The following ELOB variants were observed in gnomAD, a reference collection of about 807,000 sequenced individuals.
The protein encoded by ELOB is elongin-B.
A neutral mutation model predicts 12.9 loss-of-function variants in ELOB; 3 were observed. That is an observed-to-expected ratio of 0.23 (90% confidence interval 0.11 to 0.60). ELOB has a LOEUF of 0.60. ELOB is among the 20% of genes least tolerant of loss of function. The pLI is 0.89. For synonymous variants in ELOB, 84 were observed against 67.4 expected (o/e 1.25, Z -1.21); for missense variants, 126 against 159.2 (o/e 0.79, Z 1.12).
chr16:2,774,581 G>A (rs1230463134), intron 3 of ELOB, among the ~76,000 whole-genome samples: 1 of 152,232 alleles, frequency 6.6e-6, no homozygotes, highest in African/African-American at 2.4e-5. Flanking sequence ...TTCCTCTTCA[G>A]CCTTTGCTAT....
rs762477461 is a variant in ELOB at position 2,771,962 on chromosome 16, T to C, written c.*28A>G. 11 of 1,569,178 alleles carry C rather than the reference T, an allele frequency of 7.0e-6. No homozygotes were observed. Among genetic ancestry groups the C allele is most frequent in the Middle Eastern group, 2.1e-4 (1 of 4,656 alleles). Reference sequence around the variant, plus strand: ...CAGGCAGACTCCCAAATCTCTTTTATTGGGGGAAATGGGCCTCTTGGGGGT... The same window carrying C: ...CAGGCAGACTCCCAAATCTCTTTTACTGGGGGAAATGGGCCTCTTGGGGGT... On this transcript the variant is annotated 3_prime_UTR_variant, in exon 4 of 4. Transcript: ENST00000409906.
rs909812403 is a variant in ELOB, at chr16:2,771,855, G to T, written c.*135C>A. 6.8e-6 allele frequency: 10 copies of T among 1,461,228 alleles called. No homozygotes were observed. The Admixed American group carries it at 1.8e-4, about 26-fold the overall frequency. 90.5% of individuals were successfully genotyped at this position (1,461,228 alleles called of 1,614,324 possible). On this transcript the variant is annotated 3_prime_UTR_variant, in exon 4 of 4. Transcript: ENST00000409906. ...GGATCTGGGAGACAGGACAGCACAG[G>T]AACTGCCAAGCACAAGCCCCAAAAG...
chr16:2,777,217 C>T lies in ELOB; in HGVS notation c.3+20G>A. On this transcript the variant is annotated intron_variant, in intron 1 of 3. Coordinates refer to ENST00000409906, the MANE Select transcript of ELOB (RefSeq NM_007108.4). ...CCGCCCCCGGCCCGGCCCGGCCGCC[C>T]CTCCCCCACGCCCGCTCACCATCGC... 1 of 1,000,814 alleles carries T rather than the reference C, an allele frequency of 1.0e-6. No individual in the cohort carries two copies. Among genetic ancestry groups the T allele is most frequent in the Non-Finnish European group, 1.2e-6 (1 of 841,826 alleles). 62.0% of individuals were successfully genotyped at this position (1,000,814 alleles called of 1,614,324 possible).
chr16:2,777,255 T>G lies in ELOB; in HGVS notation c.-16A>C. ...CGCTCACCATCGCGGCTGCTGCCTC[T>G]CCCCTCGACGCGCCGGCGCAGCCGC... On this transcript the variant is annotated 5_prime_UTR_variant, in exon 1 of 4. Transcript: ENST00000409906. 9.8e-7 allele frequency: 1 copy of G among 1,021,688 alleles called. No individual in the cohort carries two copies. The highest frequency in any genetic ancestry group is 1.2e-6 in the Non-Finnish European group (1 of 854,578). The allele number at this position is 1,021,688 out of a possible 1,614,324, so 63.3% of individuals were successfully genotyped here.
At chr16:2,772,152 AGCTGGG>A in intron 3 of ELOB, 50 bp from the exon 4 acceptor site, 5 of 1,521,120 alleles carry the variant, frequency 3.3e-6, no homozygotes, top group Non-Finnish European at 4.4e-6. Flanking sequence ...CTCTTGCCCC[AGCTGGG>A]GCCTTGGTGT....
At chr16:2,773,323 A>C (rs2068779817) in intron 3 of ELOB, among the ~76,000 whole-genome samples, 1 of 152,148 alleles carries the variant, frequency 6.6e-6, no homozygotes, top group Non-Finnish European at 1.5e-5. Context: ...ATGGTGCACA[A>C]GGCAACCCAC....
Position 2,771,853 on chromosome 16 carries a change from A to G in ELOB, c.*137T>C. 6 of 1,460,878 alleles carry G rather than the reference A, an allele frequency of 4.1e-6. No homozygotes were observed. Among genetic ancestry groups the G allele is most frequent in the Non-Finnish European group, 4.5e-6 (5 of 1,107,696 alleles). The allele number at this position is 1,460,878 out of a possible 1,614,324, so 90.5% of individuals were successfully genotyped here. On this transcript the variant is annotated 3_prime_UTR_variant, in exon 4 of 4. Transcript: ENST00000409906. ...CAGGATCTGGGAGACAGGACAGCAC[A>G]GGAACTGCCAAGCACAAGCCCCAAA...
Position 2,771,753 on chromosome 16 carries a change from C to T in ELOB, c.*237G>A. On this transcript the variant is annotated 3_prime_UTR_variant, in exon 4 of 4. Coordinates refer to ENST00000409906, the MANE Select transcript of ELOB (RefSeq NM_007108.4). ...GTGGCTGGCTAGCTGCTAACAATGGCTTGGGTCTCAGGGCAACCCAGGTCC... is the reference window on the plus strand; with the variant it reads ...GTGGCTGGCTAGCTGCTAACAATGGTTTGGGTCTCAGGGCAACCCAGGTCC... 1 of 1,507,574 alleles carries T rather than the reference C, an allele frequency of 6.6e-7. No individual in the cohort carries two copies. Among genetic ancestry groups the T allele is most frequent in the African/African-American group, 1.4e-5 (1 of 72,236 alleles). The allele number at this position is 1,507,574 out of a possible 1,614,324, so 93.4% of individuals were successfully genotyped here.
At chr16:2,775,405 A>C in intron 3 of ELOB, 46 bp downstream of exon 3, 1 of 1,448,148 alleles carries the variant, frequency 6.9e-7, no homozygotes. Flanking sequence ...CAGTGTTCCC[A>C]ACCTGCTTGG....
chr16:2,774,424 C>T (rs1465827216), intron 3 of ELOB, among the ~76,000 whole-genome samples: 2 of 152,184 alleles, frequency 1.3e-5, no homozygotes, highest in Non-Finnish European at 2.9e-5. Flanking sequence ...TGCTGTGAAG[C>T]CAGTCTCATC....
chr16:2,772,160 C>A, intron 3 of ELOB, 58 bp from the exon 4 acceptor site: 5 of 1,504,568 alleles, frequency 3.3e-6, no homozygotes, highest in Non-Finnish European at 4.4e-6. Context: ...CCAGCTGGGG[C>A]CTTGGTGTTC....
chr16:2,776,737 T>C (rs1396893792), intron 2 of ELOB, among the ~76,000 whole-genome samples: 1 of 152,222 alleles, frequency 6.6e-6, no homozygotes, highest in Non-Finnish European at 1.5e-5. Context: ...GCGCGGGCGA[T>C]ACCGTTGCAG....
chr16:2,773,037 G>A (rs1015216181), intron 3 of ELOB, among the ~76,000 whole-genome samples: 1 of 152,228 alleles, frequency 6.6e-6, no homozygotes, highest in African/African-American at 2.4e-5. Flanking sequence ...CTTACCACTG[G>A]ACAAACTGCC....
intron 3 of ELOB, among the ~76,000 whole-genome samples, chr16:2,775,247 T>A (rs1204554434): frequency 6.6e-6 from 1 of 151,792 alleles, no homozygotes; most frequent in Non-Finnish European, 1.5e-5. Context: ...TTGGTTTCTG[T>A]AAGCATCTCA....
chr16:2,773,317 T>G (rs1596302545), intron 3 of ELOB, among the ~76,000 whole-genome samples: 1 of 152,018 alleles, frequency 6.6e-6, no homozygotes, highest in Non-Finnish European at 1.5e-5. Context: ...CGTGCTATGG[T>G]GCACAAGGCA....
intron 3 of ELOB, among the ~76,000 whole-genome samples, chr16:2,774,304 T>C (rs1437167091): frequency 6.6e-6 from 1 of 152,156 alleles, no homozygotes. Flanking sequence ...ACCTGACTCT[T>C]AACATCACCA....
Position 2,771,981 on chromosome 16 carries a change from T to C in ELOB, c.*9A>G, listed in dbSNP as rs1338836254. ...CTTTTATTGGGGGAAATGGGCCTCT[T>C]GGGGGTCCTCACTGCACGGCTTGTT... On this transcript the variant is annotated 3_prime_UTR_variant, in exon 4 of 4. Coordinates refer to ENST00000409906, the MANE Select transcript of ELOB (RefSeq NM_007108.4). The C allele has an allele frequency of 4.5e-6, 7 of 1,545,280 alleles. No homozygotes were observed. The highest frequency in any genetic ancestry group is 6.1e-6 in the Non-Finnish European group (7 of 1,141,802).
Position 2,771,463 on chromosome 16 carries a change from C to A in ELOB, c.*527G>T, listed in dbSNP as rs750965170. On this transcript the variant is annotated 3_prime_UTR_variant, in exon 4 of 4. Transcript: ENST00000409906. ...GGTGTGTTAAGGGGGCAGCCACTTC[C>A]CTCCGTGATTACAGCCCCCAGCGTG... 1.2e-5 allele frequency: 19 copies of A among 1,614,076 alleles called. No homozygotes were observed. The highest frequency in any genetic ancestry group is 2.2e-5 in the South Asian group (2 of 91,080).
chr16:2,775,964 C>G (rs891054022), intron 2 of ELOB, among the ~76,000 whole-genome samples: 1 of 152,116 alleles, frequency 6.6e-6, no homozygotes, highest in African/African-American at 2.4e-5. Context: ...TATCATAGCC[C>G]CCTCCAGCTT....
Sources: allele counts gnomAD v4.1 joint callset (sites outside exome capture counted in the v4.1 genomes callset), GRCh38; gene constraint gnomAD v4.1.1; transcripts MANE v1.5; gene names NCBI Gene and HGNC (gene_info 2026-07-23, HGNC 2026-07-21).